MTA3: variants seen among roughly 807,000 people sequenced by gnomAD.
The protein encoded by MTA3 is metastasis associated 1 family member 3.
A neutral mutation model predicts 83.5 loss-of-function variants in MTA3; 34 were observed. The observed-to-expected ratio is 0.41, with a 90% CI of 0.31 to 0.54. The LOEUF is 0.54. Ranked by LOEUF, MTA3 falls within the 20% of genes least tolerant of loss-of-function variation. The probability of loss-of-function intolerance (pLI) is 0.33; values close to 1 mark genes in which losing one functional copy is unlikely to be tolerated. For missense variants in MTA3, 761 were observed against 726.4 expected, an observed-to-expected ratio of 1.05 and a Z score of -0.55; for synonymous variants, 303 against 252.7, an observed-to-expected ratio of 1.20 and a Z score of -1.89.
intron 4 of MTA3, among the ~76,000 whole-genome samples, chr2:42,625,746 CA>C (rs58956321): frequency 0.026 from 1,315 of 51,226 alleles, 12 homozygotes; most frequent in African/African-American, 0.067. Context: ...GACTCCATCT[CA>C]AAAAAAAAAA....
Position 42,719,722 on chromosome 2 carries a change from C to G in MTA3, c.1612+648C>G, listed in dbSNP as rs80261791. Reference sequence around the variant, plus strand: ...GCTTTAGGTGACTTTGAAGGGGAGGCATTTGTATTGCTTTCTTATTTTTAT... The same window carrying G: ...GCTTTAGGTGACTTTGAAGGGGAGGGATTTGTATTGCTTTCTTATTTTTAT... On this transcript the variant is annotated intron_variant, in intron 15 of 16. Coordinates refer to ENST00000405094, the MANE Select transcript of MTA3 (RefSeq NM_001330442.2). Among the ~76,000 whole-genome samples the G allele has an allele frequency of 2.8e-3, 425 of 152,158 alleles. 1 individual carries two copies. The highest frequency in any genetic ancestry group is 9.6e-3 in the African/African-American group (400 of 41,520).
chr2:42,726,321 T>C (rs1667812900), intron 16 of MTA3, among the ~76,000 whole-genome samples: 1 of 151,918 alleles, frequency 6.6e-6, no homozygotes, highest in Non-Finnish European at 1.5e-5. Context: ...CCACTCACCC[T>C]CTACCTTTGC....
chr2:42,624,450 A>G lies in MTA3; in HGVS notation c.317+14866A>G, dbSNP rs528645995. ...AGTTCTCTGCCTCAGCCTCCTAAGT[A>G]GCTGGGATTACAGGTGCCTGCCACC... On this transcript the variant is annotated intron_variant, in intron 4 of 16. Transcript: ENST00000405094. 1.9e-4 allele frequency among the ~76,000 whole-genome samples: 29 copies of G among 152,124 alleles called. 1 individual carries two copies. Among genetic ancestry groups the G allele is most frequent in the South Asian group, 8.3e-4 (4 of 4,808 alleles).
At chr2:42,589,836 C>G (rs185660477) in intron 3 of MTA3, among the ~76,000 whole-genome samples, 1 of 152,116 alleles carries the variant, frequency 6.6e-6, no homozygotes, top group Non-Finnish European at 1.5e-5. Context: ...TCTCAGAGAC[C>G]TGTATTGTAT....
At chr2:42,695,265 G>T (rs577229936) in intron 9 of MTA3, among the ~76,000 whole-genome samples, 21 of 152,090 alleles carry the variant, frequency 1.4e-4, no homozygotes, top group Non-Finnish European at 2.8e-4. Context: ...GTTTGCTAAG[G>T]ATTAATTTTA....
chr2:42,690,938 G>A (rs1034080868), intron 9 of MTA3, among the ~76,000 whole-genome samples: 7 of 150,760 alleles, frequency 4.6e-5, no homozygotes, highest in African/African-American at 1.2e-4. Flanking sequence ...GTGCAGTGGC[G>A]CGATCTCTGC....
chr2:42,582,224 A>AT (rs1456780418), intron 3 of MTA3, among the ~76,000 whole-genome samples: 1 of 151,684 alleles, frequency 6.6e-6, no homozygotes, highest in Non-Finnish European at 1.5e-5. Context: ...CGCCCGGCTA[A>AT]TTTTTTTGTC....
upstream of MTA3, among the ~76,000 whole-genome samples, chr2:42,565,349 C>CTTT (rs773703863): frequency 1.5e-5 from 2 of 133,984 alleles, no homozygotes. Context: ...AACTGGCTAA[C>CTTT]TTTTTTTTTT....
At chr2:42,588,031 C>G (rs1276636000) in intron 3 of MTA3, among the ~76,000 whole-genome samples, 1 of 151,910 alleles carries the variant, frequency 6.6e-6, no homozygotes, top group Non-Finnish European at 1.5e-5. Context: ...AACATTTTTC[C>G]TTGGATTTTT....
chr2:42,556,366 C>T (rs572916666), intron 2 of MTA3, among the ~76,000 whole-genome samples: 1 of 152,290 alleles, frequency 6.6e-6, no homozygotes, highest in Non-Finnish European at 1.5e-5. Context: ...TACCAAGTGC[C>T]CAGCCTTGAA....
At chr2:42,671,998 C>G (rs1690839348) in intron 8 of MTA3, among the ~76,000 whole-genome samples, 1 of 152,202 alleles carries the variant, frequency 6.6e-6, no homozygotes, top group Admixed American at 6.5e-5. Flanking sequence ...AACTATTACA[C>G]TTTTCAGAGG....
chr2:42,605,079 G>C (rs1037993828), intron 3 of MTA3, among the ~76,000 whole-genome samples: 3 of 150,770 alleles, frequency 2.0e-5, no homozygotes, highest in Non-Finnish European at 3.0e-5. Flanking sequence ...ATCCTGGCCC[G>C]TTCTCAATGA....
At chr2:42,596,160 C>A (rs917928679) in intron 3 of MTA3, among the ~76,000 whole-genome samples, 6 of 152,288 alleles carry the variant, frequency 3.9e-5, no homozygotes, top group African/African-American at 1.4e-4. Flanking sequence ...TTTCTTATAA[C>A]ATTTTACATT....
intron 2 of MTA3, among the ~76,000 whole-genome samples, chr2:42,502,761 C>T (rs1324920864): frequency 1.4e-5 from 2 of 143,000 alleles, no homozygotes; most frequent in Non-Finnish European, 3.0e-5. Flanking sequence ...CACATCATTG[C>T]ACTCCAGCCT....
chr2:42,579,592 T>C lies in MTA3; in HGVS notation c.190+392T>C, dbSNP rs556754252. ...CAGGTGTGAGCTACCAGGCCTGGCC[T>C]AGTATATGGTTTTTTAGGTTGTATC... On this transcript the variant is annotated intron_variant, in intron 3 of 16. Transcript: ENST00000405094. 2.6e-5 allele frequency among the ~76,000 whole-genome samples: 4 copies of C among 151,916 alleles called. No homozygotes were observed. In the East Asian group the frequency reaches 5.8e-4, roughly 22 times the overall value.
At chr2:42,573,699 C>T (rs1231463265) in intron 2 of MTA3, among the ~76,000 whole-genome samples, 3 of 151,698 alleles carry the variant, frequency 2.0e-5, no homozygotes, top group South Asian at 2.1e-4. Context: ...TTAGTAGAGA[C>T]AGGGTTTCAC....
At chr2:42,744,874 C>A (rs942959846) in intron 16 of MTA3, among the ~76,000 whole-genome samples, 4 of 152,192 alleles carry the variant, frequency 2.6e-5, no homozygotes, top group African/African-American at 9.6e-5. Context: ...CCTGAGCAAT[C>A]TGTTCACGTC....
chr2:42,748,734 C>T (rs987505894), intron 16 of MTA3, among the ~76,000 whole-genome samples: 2 of 152,124 alleles, frequency 1.3e-5, no homozygotes, highest in Non-Finnish European at 2.9e-5. Context: ...TTTCTCACTG[C>T]GCCCAGCCAG....
At chr2:42,635,345 G>T (rs1687080333) in intron 4 of MTA3, among the ~76,000 whole-genome samples, 1 of 152,092 alleles carries the variant, frequency 6.6e-6, no homozygotes, top group Admixed American at 6.6e-5. Context: ...TCTGTAACTT[G>T]GGCCGGGCAA....
Sources: allele counts gnomAD v4.1 joint callset (sites outside exome capture counted in the v4.1 genomes callset), GRCh38; gene constraint gnomAD v4.1.1; transcripts MANE v1.5; gene names NCBI Gene and HGNC (gene_info 2026-07-23, HGNC 2026-07-21).